The following FAAH2 variants were observed in gnomAD, a reference collection of about 807,000 sequenced individuals.
The protein encoded by FAAH2 is fatty acid amide hydrolase 2, also known as fatty-acid amide hydrolase 2.
A neutral mutation model predicts 36.9 loss-of-function variants in FAAH2; 60 were observed. The observed-to-expected ratio is 1.63, with a 90% CI of 1.32 to 2.02. The LOEUF is 2.02. Ranked by LOEUF, FAAH2 falls within the 30% of genes most tolerant of loss-of-function variation. The pLI, the probability that FAAH2 is intolerant of heterozygous loss-of-function variation, is 0.00. For synonymous variants in FAAH2, 214 were observed against 143.8 expected (o/e 1.49, Z -3.49); for missense variants, 689 against 397.5 (o/e 1.73, Z -6.23).
the FAAH2 span, among the ~76,000 whole-genome samples, chrX:57,213,284 T>C: frequency 9.0e-6 from 1 of 111,706 alleles, no homozygotes; most frequent in Admixed American, 9.5e-5. Context: ...AAAAATCATT[T>C]GGTTTCATTG....
At chrX:57,389,391 C>A (rs1431402516) in intron 7 of FAAH2, among the ~76,000 whole-genome samples, 1 of 106,735 alleles carries the variant, frequency 9.4e-6, no homozygotes, top group Non-Finnish European at 1.9e-5. Context: ...TACCCCACCC[C>A]AATTCCTGGC....
the FAAH2 span, among the ~76,000 whole-genome samples, chrX:57,212,061 C>T: frequency 9.0e-6 from 1 of 111,507 alleles, no homozygotes; most frequent in Non-Finnish European, 1.9e-5. Flanking sequence ...CATAACAAGA[C>T]CCTGTCTCTA....
chrX:57,239,219 G>T, the FAAH2 span, among the ~76,000 whole-genome samples: 4 of 111,562 alleles, frequency 3.6e-5, no homozygotes, highest in East Asian at 1.1e-3. Flanking sequence ...CTGCAGGAAA[G>T]TCTGGTCCAG....
At chrX:57,304,152 A>T (rs968029840) in intron 2 of FAAH2, among the ~76,000 whole-genome samples, 1 of 111,957 alleles carries the variant, frequency 8.9e-6, no homozygotes, top group Non-Finnish European at 1.9e-5. Context: ...GGTTGCAGTG[A>T]GCTGAGATCT....
At chrX:57,393,092 C>A in intron 7 of FAAH2, 11 of 928,177 alleles carry the variant, frequency 1.2e-5, no homozygotes, top group Non-Finnish European at 1.7e-5. Context: ...CCAGTGAGTG[C>A]ACTTCACGGC....
chrX:57,381,213 G>T (rs2054839384), intron 7 of FAAH2, among the ~76,000 whole-genome samples, 184 bp downstream of exon 7: 1 of 111,100 alleles, frequency 9.0e-6, no homozygotes, highest in Non-Finnish European at 1.9e-5. Flanking sequence ...TTATTTTTTA[G>T]TAATGAAATG....
At chrX:57,193,153 C>T in the FAAH2 span, among the ~76,000 whole-genome samples, 1 of 111,890 alleles carries the variant, frequency 8.9e-6, no homozygotes, top group African/African-American at 3.2e-5. Context: ...TGTTTCTCAG[C>T]AAGGAACATC....
At chrX:57,373,813 G>T (rs1399946745) in intron 5 of FAAH2, among the ~76,000 whole-genome samples, 1 of 111,377 alleles carries the variant, frequency 9.0e-6, no homozygotes, top group Admixed American at 9.6e-5. Context: ...GTCTAAAAGG[G>T]TCTTTCGATA....
the FAAH2 span, among the ~76,000 whole-genome samples, chrX:57,152,924 CCT>C: frequency 9.3e-6 from 1 of 107,568 alleles, no homozygotes; most frequent in African/African-American, 3.7e-5. Flanking sequence ...CCCCCGCTGA[CCT>C]CTGTCTTGAT....
At chrX:57,476,617 T>C (rs1426338258) in intron 10 of FAAH2, among the ~76,000 whole-genome samples, 8 of 111,458 alleles carry the variant, frequency 7.2e-5, no homozygotes, top group Non-Finnish European at 1.3e-4. Flanking sequence ...TTCACATTGA[T>C]GTACATCAGA....
chrX:57,159,845 C>T, the FAAH2 span, among the ~76,000 whole-genome samples: 1 of 111,449 alleles, frequency 9.0e-6, no homozygotes, highest in African/African-American at 3.3e-5. Context: ...TCTCCTGCCT[C>T]ATTGTTCTGG....
the FAAH2 span, among the ~76,000 whole-genome samples, chrX:57,170,359 C>A: frequency 9.0e-6 from 1 of 111,713 alleles, no homozygotes; most frequent in Non-Finnish European, 1.9e-5. Flanking sequence ...CCAATTTTGT[C>A]TATTCATTCA....
intron 1 of FAAH2, among the ~76,000 whole-genome samples, chrX:57,288,785 G>A (rs1445648254): frequency 1.8e-5 from 2 of 110,768 alleles, no homozygotes; most frequent in Non-Finnish European, 3.8e-5. Flanking sequence ...ATATTGTCTG[G>A]CATACTAATC....
chrX:57,352,142 A>G (rs1319655719), intron 5 of FAAH2, among the ~76,000 whole-genome samples: 6 of 80,641 alleles, frequency 7.4e-5, no homozygotes, highest in Non-Finnish European at 1.4e-4. Context: ...ATATGTGTAT[A>G]TATATGCACA....
At chrX:57,331,885 C>A in intron 4 of FAAH2, 78 bp downstream of exon 4, 2 of 991,649 alleles carry the variant, frequency 2.0e-6, no homozygotes, top group Non-Finnish European at 2.8e-6. Flanking sequence ...AAACATGATA[C>A]AGTATAGCAT....
chrX:57,193,395 T>C, the FAAH2 span, among the ~76,000 whole-genome samples: 1 of 111,842 alleles, frequency 8.9e-6, no homozygotes, highest in African/African-American at 3.3e-5. Context: ...GAAACTTCAT[T>C]AGCAATTTTA....
At chrX:57,342,148 A>G (rs1263272223) in intron 5 of FAAH2, among the ~76,000 whole-genome samples, 1 of 112,033 alleles carries the variant, frequency 8.9e-6, no homozygotes, top group African/African-American at 3.2e-5. Flanking sequence ...AATCAGTACT[A>G]TAACAATGGT....
At chrX:57,214,595 T>A in the FAAH2 span, among the ~76,000 whole-genome samples, 1 of 110,637 alleles carries the variant, frequency 9.0e-6, no homozygotes, top group African/African-American at 3.3e-5. Context: ...CCTGGCTAAT[T>A]TTTTTGTATT....
chrX:57,414,668 T>G (rs1282176977), intron 7 of FAAH2, among the ~76,000 whole-genome samples: 1 of 111,337 alleles, frequency 9.0e-6, no homozygotes. Flanking sequence ...GATATTTGCC[T>G]GAAATTTTCT....
Sources: gnomAD v4.1 joint callset for allele counts (sites outside exome capture counted in the v4.1 genomes callset) on GRCh38, gnomAD v4.1.1 for gene constraint, MANE v1.5 for transcripts, NCBI Gene and HGNC (gene_info 2026-07-23, HGNC 2026-07-21) for gene names.